The following SLC27A6 variants were observed in gnomAD, a reference collection of about 807,000 sequenced individuals.
The protein encoded by SLC27A6 is long-chain fatty acid transport protein 6.
In SLC27A6, 74 loss-of-function variants were observed where a neutral mutation model predicts 63.9. The ratio of observed to expected loss-of-function variants is 1.16; its 90% CI spans 0.96 to 1.40. SLC27A6 has a LOEUF of 1.40. Ranked by LOEUF, SLC27A6 falls within the 40% of genes most tolerant of loss-of-function variation. SLC27A6 has a pLI of 0.00. For missense variants in SLC27A6, 794 were observed against 732.9 expected (o/e 1.08, Z -0.96); for synonymous variants, 287 against 260.8 (o/e 1.10, Z -0.97).
At chr5:129,022,263 C>A (rs1418356889) in intron 5 of SLC27A6, among the ~76,000 whole-genome samples, 1 of 152,170 alleles carries the variant, frequency 6.6e-6, no homozygotes, top group Admixed American at 6.5e-5. Flanking sequence ...ATTTCTACAT[C>A]ATAGGATGTT....
At chr5:129,026,175 G>C (rs980326110) in intron 6 of SLC27A6, among the ~76,000 whole-genome samples, 1 of 152,044 alleles carries the variant, frequency 6.6e-6, no homozygotes, top group Non-Finnish European at 1.5e-5. Context: ...CTGTATCATA[G>C]TTTGCTGGAC....
intron 9 of SLC27A6, among the ~76,000 whole-genome samples, chr5:129,031,125 A>G (rs1296201508): frequency 1.3e-5 from 2 of 152,068 alleles, no homozygotes; most frequent in Non-Finnish European, 2.9e-5. Context: ...AGAAGATTAG[A>G]TCAGCCTTGC....
At chr5:129,017,264 T>A (rs1207801446) in intron 5 of SLC27A6, among the ~76,000 whole-genome samples, 1 of 152,142 alleles carries the variant, frequency 6.6e-6, no homozygotes, top group African/African-American at 2.4e-5. Flanking sequence ...GTTTAATTGT[T>A]GGTAGAAATA....
chr5:128,990,323 T>C lies in SLC27A6; in HGVS notation c.845-17T>C. 6.2e-7 allele frequency: 1 copy of C among 1,607,018 alleles called. No homozygotes were observed. The highest frequency in any genetic ancestry group is 8.5e-7 in the Non-Finnish European group (1 of 1,178,328). On this transcript the variant is annotated splice_polypyrimidine_tract_variant and intron_variant, in intron 3 of 9. Coordinates refer to ENST00000262462, the MANE Select transcript of SLC27A6 (RefSeq NM_001017372.3). Reference sequence around the variant, plus strand: ...TGAATTTTTTTCCCTAGTGCCTGTTTTTGTCTTTTCTTATAGGTGCCACTT... The same window carrying C: ...TGAATTTTTTTCCCTAGTGCCTGTTCTTGTCTTTTCTTATAGGTGCCACTT...
chr5:128,972,633 C>T (rs6874718), intron 1 of SLC27A6, among the ~76,000 whole-genome samples: 91,061 of 150,904 alleles, frequency 0.6, 27,717 homozygotes, highest in Non-Finnish European at 0.67. Flanking sequence ...ATTTAAAGTC[C>T]TCTCTATGCT....
intron 4 of SLC27A6, among the ~76,000 whole-genome samples, chr5:129,011,171 G>A (rs1751713776): frequency 6.6e-6 from 1 of 152,114 alleles, no homozygotes; most frequent in Non-Finnish European, 1.5e-5. Flanking sequence ...AATTAGGAGT[G>A]GAATGGGTAG....
chr5:128,966,532 TG>T lies in SLC27A6; in HGVS notation c.397del (p.Ala133ProfsTer13). On this transcript the variant is annotated frameshift_variant, in exon 1 of 10. Coordinates refer to ENST00000262462, the MANE Select transcript of SLC27A6 (RefSeq NM_001017372.3). LOFTEE classifies it high-confidence loss of function. ...WFGLAKLGCV[V>X]AFLNTNIRSN... ...GGCCTCGCCAAGCTGGGCTGCGTGG[TG>T]GCCTTTCTCAACACCAACATTCGCT... 1 of 1,594,612 alleles carries T rather than the reference TG, an allele frequency of 6.3e-7. No individual in the cohort carries two copies. Among genetic ancestry groups the T allele is most frequent in the South Asian group, 1.1e-5 (1 of 87,246 alleles).
chr5:129,001,576 G>C (rs1000800712), intron 4 of SLC27A6, among the ~76,000 whole-genome samples: 2 of 152,204 alleles, frequency 1.3e-5, no homozygotes. Flanking sequence ...TTAGGAGTTA[G>C]ATCATGCTTT....
chr5:128,970,654 T>C (rs1750113238), intron 1 of SLC27A6, among the ~76,000 whole-genome samples: 1 of 152,150 alleles, frequency 6.6e-6, no homozygotes, highest in African/African-American at 2.4e-5. Context: ...TCTCTTTTCT[T>C]CTTTATTAGT....
chr5:129,017,216 A>G (rs1751928721), intron 5 of SLC27A6, among the ~76,000 whole-genome samples: 1 of 152,180 alleles, frequency 6.6e-6, no homozygotes, highest in African/African-American at 2.4e-5. Context: ...ACAAATTTCA[A>G]AGGATTGAAT....
At chr5:129,000,723 A>G (rs539032292) in intron 4 of SLC27A6, among the ~76,000 whole-genome samples, 14 of 152,300 alleles carry the variant, frequency 9.2e-5, no homozygotes, top group African/African-American at 3.4e-4. Context: ...CTGAGTTTCT[A>G]GGAAAAATCA....
At chr5:129,011,745 A>T (rs919763604) in intron 4 of SLC27A6, among the ~76,000 whole-genome samples, 1 of 152,174 alleles carries the variant, frequency 6.6e-6, no homozygotes, top group African/African-American at 2.4e-5. Flanking sequence ...GGAGCTTCCC[A>T]GTCATTTAAG....
intron 4 of SLC27A6, among the ~76,000 whole-genome samples, chr5:129,004,859 T>A (rs1228741687): frequency 2.0e-5 from 3 of 152,228 alleles, no homozygotes; most frequent in Non-Finnish European, 2.9e-5. Flanking sequence ...GGTCACTTTT[T>A]AAAGCTCTCT....
At chr5:128,981,396 A>G (rs1750580491) in intron 1 of SLC27A6, among the ~76,000 whole-genome samples, 1 of 151,640 alleles carries the variant, frequency 6.6e-6, no homozygotes, top group Non-Finnish European at 1.5e-5. Flanking sequence ...TAGGAGAATC[A>G]CTTGAACCTG....
chr5:128,999,329 G>A (rs1260783704), intron 4 of SLC27A6, among the ~76,000 whole-genome samples: 1 of 152,000 alleles, frequency 6.6e-6, no homozygotes, highest in East Asian at 1.9e-4. Flanking sequence ...TATAAACCAG[G>A]CTCAAGAATG....
chr5:128,978,950 C>T (rs1447145789), intron 1 of SLC27A6, among the ~76,000 whole-genome samples: 4 of 152,008 alleles, frequency 2.6e-5, no homozygotes, highest in Non-Finnish European at 5.9e-5. Context: ...ACATGGTGTA[C>T]AGGTTTGTAG....
intron 4 of SLC27A6, among the ~76,000 whole-genome samples, chr5:128,992,557 C>T (rs1561618993): frequency 6.6e-6 from 1 of 152,196 alleles, no homozygotes. Context: ...TCCACAGATT[C>T]ATAGCCAAGA....
chr5:128,967,855 G>T (rs2150124896), intron 1 of SLC27A6, among the ~76,000 whole-genome samples: 1 of 152,178 alleles, frequency 6.6e-6, no homozygotes, highest in African/African-American at 2.4e-5. Context: ...TTAGTGTGCT[G>T]CACCCATTAA....
At chr5:129,004,389 C>G (rs1160539990) in intron 4 of SLC27A6, among the ~76,000 whole-genome samples, 1 of 152,144 alleles carries the variant, frequency 6.6e-6, no homozygotes, top group Non-Finnish European at 1.5e-5. Context: ...CTGTGAGTCT[C>G]TCTTGCTTTC....
Sources: allele counts gnomAD v4.1 joint callset (sites outside exome capture counted in the v4.1 genomes callset), GRCh38; gene constraint gnomAD v4.1.1; transcripts MANE v1.5; gene names NCBI Gene and HGNC (gene_info 2026-07-23, HGNC 2026-07-21).